The following CDK19 variants were observed in gnomAD, a reference collection of about 807,000 sequenced individuals.
CDK19 encodes the protein cyclin-dependent kinase 19.
A neutral mutation model predicts 68.3 loss-of-function variants in CDK19; 20 were observed. The observed-to-expected ratio is 0.29, with a 90% confidence interval of 0.21 to 0.43. The LOEUF (loss-of-function observed/expected upper bound fraction) is 0.43, where lower values mean the gene tolerates loss of function less well. CDK19 is among the 20% of genes least tolerant of loss of function. The pLI is 1.00. For synonymous variants in CDK19, 221 were observed against 222.8 expected (o/e 0.99, Z 0.07); for missense variants, 339 against 623.5 (o/e 0.54, Z 4.86).
At chr6:110,722,729 G>A (rs958622916) in intron 2 of CDK19, among the ~76,000 whole-genome samples, 3 of 151,996 alleles carry the variant, frequency 2.0e-5, no homozygotes, top group Admixed American at 6.6e-5. Context: ...AGCTAGGCAT[G>A]GTGGCACATG....
At chr6:110,764,507 G>C (rs563827881) in intron 1 of CDK19, among the ~76,000 whole-genome samples, 4 of 152,292 alleles carry the variant, frequency 2.6e-5, no homozygotes, top group African/African-American at 9.6e-5. Context: ...AATGGAGAAA[G>C]AAGTTGTTTC....
At chr6:110,814,603 G>C (rs1483856704) in intron 1 of CDK19, 1 of 463,514 alleles carries the variant, frequency 2.2e-6, no homozygotes, top group Non-Finnish European at 4.3e-6. Context: ...CCGATTGGAA[G>C]TTCCACAACG....
chr6:110,717,057 G>A (rs1562227460), intron 2 of CDK19, among the ~76,000 whole-genome samples: 1 of 152,160 alleles, frequency 6.6e-6, no homozygotes, highest in South Asian at 2.1e-4. Flanking sequence ...ACTGGAACCT[G>A]GGAGGCACAG....
In CDK19 at chr6:110,709,305, G is replaced by A. The variant is rs529096884; in HGVS notation, c.204+36821C>T. ...TCATCACTCCTGTTCAACAGAGTGT[G>A]ATATACAGATGAATGGAACAGAATA... is the stretch of plus-strand genomic sequence containing the variant. On this transcript the variant is annotated intron_variant, in intron 2 of 12. Transcript: ENST00000368911. 1.1e-4 allele frequency among the ~76,000 whole-genome samples: 17 copies of A among 152,208 alleles called. No individual in the cohort carries two copies. In the East Asian group the frequency reaches 2.7e-3, roughly 24 times the overall value.
intron 1 of CDK19, among the ~76,000 whole-genome samples, chr6:110,791,170 C>CA (rs200651226): frequency 0.2 from 22,863 of 115,870 alleles, 1,945 homozygotes; most frequent in East Asian, 0.36. Context: ...GACTCCGTCT[C>CA]AAAAAAAAAA....
intron 2 of CDK19, among the ~76,000 whole-genome samples, chr6:110,720,595 G>C (rs1775789614): frequency 6.6e-6 from 1 of 152,156 alleles, no homozygotes; most frequent in African/African-American, 2.4e-5. Context: ...GCCAGGCAAG[G>C]GTGGCTCATG....
At chr6:110,704,530 CT>C (rs1397374733) in intron 2 of CDK19, among the ~76,000 whole-genome samples, 13 of 152,178 alleles carry the variant, frequency 8.5e-5, no homozygotes, top group African/African-American at 2.2e-4. Flanking sequence ...TGGGGATTAT[CT>C]ATACCACTCA....
intron 1 of CDK19, among the ~76,000 whole-genome samples, chr6:110,775,698 G>A (rs1212653488): frequency 6.6e-6 from 1 of 152,100 alleles, no homozygotes; most frequent in East Asian, 1.9e-4. Flanking sequence ...CATAGCTGAT[G>A]TATGAGAAAA....
At chr6:110,763,544 T>C (rs9372266) in intron 1 of CDK19, among the ~76,000 whole-genome samples, 1 of 151,192 alleles carries the variant, frequency 6.6e-6, no homozygotes, top group Non-Finnish European at 1.5e-5. Context: ...GCCTCCCGAG[T>C]AGCTGGGATT....
At chr6:110,694,606 T>A (rs913012747) in intron 2 of CDK19, among the ~76,000 whole-genome samples, 3 of 151,946 alleles carry the variant, frequency 2.0e-5, no homozygotes, top group African/African-American at 7.3e-5. Flanking sequence ...AGACAGAAAG[T>A]CAACAAAGAA....
intron 2 of CDK19, among the ~76,000 whole-genome samples, chr6:110,722,618 A>G (rs1025384700): frequency 6.6e-6 from 1 of 152,092 alleles, no homozygotes; most frequent in African/African-American, 2.4e-5. Flanking sequence ...CTAAAAAAAT[A>G]CTGTCAAATT....
At chr6:110,815,636 C>G (rs757040635), upstream of CDK19, 2 of 153,190 alleles carry the variant, frequency 1.3e-5, no homozygotes, top group Non-Finnish European at 2.9e-5. Flanking sequence ...GCCCCTCCCC[C>G]TCAGGTAGCG....
intron 2 of CDK19, among the ~76,000 whole-genome samples, chr6:110,734,159 G>A (rs1213142245): frequency 2.0e-5 from 3 of 151,912 alleles, no homozygotes; most frequent in Non-Finnish European, 2.9e-5. Flanking sequence ...ACAGGCACCC[G>A]CTACCACGTC....
intron 1 of CDK19, among the ~76,000 whole-genome samples, chr6:110,786,590 T>C (rs1480472026): frequency 6.6e-6 from 1 of 152,024 alleles, no homozygotes; most frequent in Non-Finnish European, 1.5e-5. Context: ...ATCCTTTCCA[T>C]AGGGTACCGC....
rs145919412 is a variant in CDK19 at position 110,660,104 on chromosome 6, C to A, written c.456+7330G>T. ...ACCTTATCCTCTTGAGTAGCTGGGA[C>A]TGCAGGCATGTGCCATCACAGCTAG... On this transcript the variant is annotated intron_variant, in intron 4 of 12. Coordinates refer to ENST00000368911, the MANE Select transcript of CDK19 (RefSeq NM_015076.5). 2.6e-5 allele frequency among the ~76,000 whole-genome samples: 4 copies of A among 152,298 alleles called. No individual in the cohort carries two copies. In the East Asian group the frequency reaches 7.7e-4, roughly 29 times the overall value.
intron 1 of CDK19, among the ~76,000 whole-genome samples, chr6:110,767,208 C>T (rs1779657316): frequency 6.6e-6 from 1 of 150,842 alleles, no homozygotes; most frequent in Admixed American, 6.6e-5. Context: ...CAGTGGTTAC[C>T]AGAGGTTGGG....
At chr6:110,762,589 T>C (rs989102485) in intron 1 of CDK19, among the ~76,000 whole-genome samples, 2 of 152,206 alleles carry the variant, frequency 1.3e-5, no homozygotes, top group East Asian at 1.9e-4. Flanking sequence ...ATTTACCTTA[T>C]TCAACAGCTT....
At chr6:110,743,308 A>C (rs1252393710) in intron 2 of CDK19, among the ~76,000 whole-genome samples, 2 of 152,150 alleles carry the variant, frequency 1.3e-5, no homozygotes, top group Non-Finnish European at 2.9e-5. Flanking sequence ...TAGAAACTGC[A>C]CACTTTCTAA....
chr6:110,727,325 C>G (rs182287852), intron 2 of CDK19, among the ~76,000 whole-genome samples: 9 of 152,082 alleles, frequency 5.9e-5, no homozygotes, highest in African/African-American at 2.2e-4. Context: ...ACTACTAATC[C>G]TTTAAAGCCC....
Sources: gnomAD v4.1 joint callset for allele counts (sites outside exome capture counted in the v4.1 genomes callset) on GRCh38, gnomAD v4.1.1 for gene constraint, MANE v1.5 for transcripts, NCBI Gene and HGNC (gene_info 2026-07-23, HGNC 2026-07-21) for gene names.